RNF157: variants seen among roughly 807,000 people sequenced by gnomAD.
The protein encoded by RNF157 is ring finger protein 157.
In RNF157, 55 loss-of-function variants were observed where a neutral mutation model predicts 88.3. That is an observed-to-expected ratio of 0.62 (90% confidence interval 0.50 to 0.78). The LOEUF (loss-of-function observed/expected upper bound fraction) is 0.78, where lower values mean the gene tolerates loss of function less well. Among genes scored for constraint, RNF157 ranks in the 30% least tolerant of loss-of-function variants. RNF157 has a pLI of 0.00. For missense variants in RNF157, 788 were observed against 860.8 expected (o/e 0.92, Z 1.06); for synonymous variants, 334 against 341.2 (o/e 0.98, Z 0.23).
intron 18 of RNF157, among the ~76,000 whole-genome samples, chr17:76,148,469 G>A (rs972517624): frequency 1.3e-5 from 2 of 151,358 alleles, no homozygotes; most frequent in African/African-American, 2.4e-5. Flanking sequence ...AGGTTTCACC[G>A]TGTTAGCCAG....
intron 2 of RNF157, among the ~76,000 whole-genome samples, chr17:76,209,728 A>G (rs1362877532): frequency 2.0e-5 from 3 of 152,172 alleles, no homozygotes; most frequent in Non-Finnish European, 2.9e-5. Flanking sequence ...CATCAAGTCC[A>G]TGTTATTAAT....
intron 18 of RNF157, among the ~76,000 whole-genome samples, chr17:76,148,971 C>T (rs2068631542): frequency 6.6e-6 from 1 of 152,188 alleles, no homozygotes; most frequent in Non-Finnish European, 1.5e-5. Flanking sequence ...TGCCAAACTC[C>T]TCAGAGCCAC....
intron 2 of RNF157, among the ~76,000 whole-genome samples, chr17:76,177,924 T>A (rs1382120520): frequency 6.6e-6 from 1 of 151,956 alleles, no homozygotes. Flanking sequence ...CACTCCAGGG[T>A]CTCTATGCTA....
Position 76,143,536 on chromosome 17 carries a change from G to GGGAA in RNF157, c.*1695_*1698dup. On this transcript the variant is annotated 3_prime_UTR_variant, in exon 19 of 19. Transcript: ENST00000269391. ...ATGAAAGGGGCGGGAAGAATGTAGG[G>GGGAA]GGAAGGAAGGAAAGAACATTAGGTG... 1 of 152,332 alleles carries GGGAA rather than the reference G, an allele frequency of 6.6e-6. No homozygotes were observed. The highest frequency in any genetic ancestry group is 1.9e-4 in the East Asian group (1 of 5,184). 9.4% of individuals were successfully genotyped at this position (152,332 alleles called of 1,614,324 possible).
intron 17 of RNF157, 34 bp downstream of exon 17, chr17:76,154,249 A>T (rs746641245): frequency 6.6e-7 from 1 of 1,515,302 alleles, no homozygotes; most frequent in East Asian, 2.3e-5. Context: ...AAGAAAGATA[A>T]CTAAAGGAAG....
At chr17:76,229,342 T>C (rs1008371449) in intron 1 of RNF157, among the ~76,000 whole-genome samples, 2 of 152,214 alleles carry the variant, frequency 1.3e-5, no homozygotes, top group African/African-American at 4.8e-5. Context: ...CCTATCAGCT[T>C]TGTGACCCAG....
rs1249944165 is a variant in RNF157, at chr17:76,142,884, G to A, written c.*2351C>T. 6.6e-6 allele frequency: 1 copy of A among 152,382 alleles called. No individual in the cohort carries two copies. The highest frequency in any genetic ancestry group is 2.4e-5 in the African/African-American group (1 of 41,452). 9.4% of individuals were successfully genotyped at this position (152,382 alleles called of 1,614,324 possible). A position where few individuals can be genotyped will look rare whatever the true frequency, so the allele number is the denominator to read the frequency against. On this transcript the variant is annotated 3_prime_UTR_variant, in exon 19 of 19. Coordinates refer to ENST00000269391, the MANE Select transcript of RNF157 (RefSeq NM_052916.3). Reference sequence around the variant, plus strand: ...GGGAGAGCACAGGCCTAGTGCAGCAGGAAGGAGCCCTGGGTCTCCATAGTT... The same window carrying A: ...GGGAGAGCACAGGCCTAGTGCAGCAAGAAGGAGCCCTGGGTCTCCATAGTT...
intron 2 of RNF157, among the ~76,000 whole-genome samples, chr17:76,178,230 C>A (rs367566896): frequency 6.6e-6 from 1 of 152,372 alleles, no homozygotes; most frequent in East Asian, 1.9e-4. Flanking sequence ...CAAGCCAGGG[C>A]TATGACTTCC....
intron 1 of RNF157, among the ~76,000 whole-genome samples, chr17:76,228,215 G>C (rs992377924): frequency 6.6e-6 from 1 of 152,082 alleles, no homozygotes; most frequent in Non-Finnish European, 1.5e-5. Context: ...AACACAGACT[G>C]AACAACGGTA....
intron 2 of RNF157, among the ~76,000 whole-genome samples, chr17:76,193,801 G>A (rs1043662727): frequency 6.6e-6 from 1 of 152,182 alleles, no homozygotes; most frequent in African/African-American, 2.4e-5. Context: ...AGGCTCTCCC[G>A]CATCCTGCAG....
At position 76,155,593 on chromosome 17, in the gene RNF157, G is replaced by A; in HGVS notation, c.1667C>T (p.Pro556Leu). ...TTCTTCTGAGGGGGCCCTGCTGGCA[G>A]GCTGGGGGGAAGAGAGAGCCTCTCC... ...EEGEALSSPQ[P>L]ASRAPSEEGE... The change falls in exon 15 of 19, where the codon CCT becomes CTT. Residue 556 changes from proline (P) to leucine (L), a missense_variant. Pro to Leu is a moderately conservative substitution (Grantham distance 98). Transcript: ENST00000269391. 6.2e-7 allele frequency: 1 copy of A among 1,613,094 alleles called. No individual in the cohort carries two copies. The highest frequency in any genetic ancestry group is 1.1e-5 in the South Asian group (1 of 90,992).
Position 76,240,312 on chromosome 17 carries a change from G to T in RNF157, c.-72C>A. 9.3e-6 allele frequency: 7 copies of T among 753,650 alleles called. No homozygotes were observed. Among genetic ancestry groups the T allele is most frequent in the Non-Finnish European group, 1.1e-5 (7 of 620,922 alleles). The allele number at this position is 753,650 out of a possible 1,614,324, so 46.7% of individuals were successfully genotyped here. A position where few individuals can be genotyped will look rare whatever the true frequency, so the allele number is the denominator to read the frequency against. ...CCTCCGCGCTTCACCGCGGCCGCCC[G>T]CCCCGCGCCCGGTGCGGGGGCCGAC... On this transcript the variant is annotated 5_prime_UTR_variant, in exon 1 of 19. Coordinates refer to ENST00000269391, the MANE Select transcript of RNF157 (RefSeq NM_052916.3). The surrounding 1 kb of genome is among the most constrained non-coding windows in gnomAD (Gnocchi z 4.4).
In RNF157 at chr17:76,158,436, T is replaced by C. The variant is rs2068799278; in HGVS notation, c.1370A>G (p.Glu457Gly). The change falls in exon 13 of 19, where the codon GAG becomes GGG. Residue 457 changes from glutamate to glycine, a missense_variant. Coordinates refer to ENST00000269391, the MANE Select transcript of RNF157 (RefSeq NM_052916.3). ...EEDEHSCSES[E>G]TQLSQRPSVQ... ...CGACGGTCTCTGAGAGAGCTGTGTC[T>C]CCGACTCGCTGCAGGAATGCTCATC... 5.0e-6 allele frequency: 8 copies of C among 1,613,908 alleles called. No homozygotes were observed. Among genetic ancestry groups the C allele is most frequent in the Non-Finnish European group, 6.8e-6 (8 of 1,179,898 alleles).
rs924213207 is a variant in RNF157, at chr17:76,157,401, C to T, written c.1413+992G>A. ...CACTCACTGTGCCCCTGGCTTGCTC[C>T]GAGCCCCGACTTCCTGCTCTGTGCC... On this transcript the variant is annotated intron_variant, in intron 13 of 18. Coordinates refer to ENST00000269391, the MANE Select transcript of RNF157 (RefSeq NM_052916.3). The surrounding 1 kb of genome is among the most constrained non-coding windows in gnomAD (Gnocchi z 5.6). Among the ~76,000 whole-genome samples the T allele has an allele frequency of 6.6e-6, 1 of 152,182 alleles. No homozygotes were observed. The highest frequency in any genetic ancestry group is 1.5e-5 in the Non-Finnish European group (1 of 68,036).
rs113888813 is a variant in RNF157, at chr17:76,203,559, T to C, written c.207+8805A>G. ...CCTCTGCCTCCTGGGTTTAAGCAAT[T>C]CTCCTGCCTCAGCTTCCTGAGTAGT... is the stretch of plus-strand genomic sequence containing the variant. On this transcript the variant is annotated intron_variant, in intron 2 of 18. Transcript: ENST00000269391. 3.1e-3 allele frequency among the ~76,000 whole-genome samples: 466 copies of C among 151,484 alleles called. 8 individuals are homozygous for C. The highest frequency in any genetic ancestry group is 0.011 in the African/African-American group (446 of 41,226).
chr17:76,218,772 A>G (rs2069932783), intron 1 of RNF157, among the ~76,000 whole-genome samples: 1 of 152,030 alleles, frequency 6.6e-6, no homozygotes, highest in Admixed American at 6.6e-5. Flanking sequence ...CGTCTCTACT[A>G]AAAATACAAA....
chr17:76,236,744 T>TA (rs910174740), intron 1 of RNF157, among the ~76,000 whole-genome samples: 10 of 151,392 alleles, frequency 6.6e-5, no homozygotes, highest in South Asian at 2.1e-4. Flanking sequence ...GGAGACTATG[T>TA]AAAAAAAAAG....
chr17:76,210,844 C>A lies in RNF157; in HGVS notation c.207+1520G>T, dbSNP rs186834607. On this transcript the variant is annotated intron_variant, in intron 2 of 18. Transcript: ENST00000269391. ...TTTTGAAACAGAGTCTCATTCTATC[C>A]CCTAGGCTGGAGCGCACTGGGGCAA... Among the ~76,000 whole-genome samples, 593 of 152,060 alleles carry A rather than the reference C, an allele frequency of 3.9e-3. 5 individuals are homozygous for A. The highest frequency in any genetic ancestry group is 0.014 in the African/African-American group (563 of 41,486).
In RNF157 at chr17:76,160,292, GTTC is replaced by G. The variant is rs987251241; in HGVS notation, c.1066-722_1066-720del. Among the ~76,000 whole-genome samples the G allele has an allele frequency of 5.3e-5, 8 of 151,366 alleles. No individual in the cohort carries two copies. The highest frequency in any genetic ancestry group is 1.5e-5 in the Non-Finnish European group (1 of 67,852). ...CTTGAATGCCTTTTTTTCAAATTAT[GTTC>G]TTGTTATTAAATTATTAGCTCTTAG... On this transcript the variant is annotated intron_variant, in intron 11 of 18. Transcript: ENST00000269391. The surrounding 1 kb of genome is among the most constrained non-coding windows in gnomAD (Gnocchi z 4.3).
Sources: allele counts gnomAD v4.1 joint callset (sites outside exome capture counted in the v4.1 genomes callset), GRCh38; gene constraint gnomAD v4.1.1; non-coding constraint Gnocchi (gnomAD v3.1); transcripts MANE v1.5; gene names NCBI Gene and HGNC (gene_info 2026-07-23, HGNC 2026-07-21).